The following USP32 variants were observed in gnomAD, a reference collection of about 807,000 sequenced individuals.
USP32 encodes the protein ubiquitin specific peptidase 32, also known as ubiquitin carboxyl-terminal hydrolase 32.
In USP32, 59 loss-of-function variants were observed where a neutral mutation model predicts 204.8. The observed-to-expected ratio is 0.29, with a 90% CI of 0.23 to 0.36. The LOEUF (loss-of-function observed/expected upper bound fraction) is 0.36. Ranked by LOEUF, USP32 falls within the 10% of genes least tolerant of loss-of-function variation. USP32 has a pLI of 1.00. For synonymous variants in USP32, 517 were observed against 678.4 expected (o/e 0.76, Z 3.70); for missense variants, 1,160 against 1,946.4 (o/e 0.60, Z 7.60).
chr17:60,285,371 C>G (rs561814526), intron 5 of USP32, among the ~76,000 whole-genome samples: 1 of 152,280 alleles, frequency 6.6e-6, no homozygotes, highest in African/African-American at 2.4e-5. Context: ...CCAGAACTTA[C>G]CAGTCAGAAC....
chr17:60,233,922 G>A (rs1201828088), intron 12 of USP32, among the ~76,000 whole-genome samples: 1 of 151,748 alleles, frequency 6.6e-6, no homozygotes, highest in African/African-American at 2.4e-5. Flanking sequence ...CTCCTCCCAG[G>A]TTTATTGTAA....
At chr17:60,333,325 C>G (rs1276080035) in intron 2 of USP32, among the ~76,000 whole-genome samples, 2 of 152,160 alleles carry the variant, frequency 1.3e-5, no homozygotes, top group Non-Finnish European at 2.9e-5. Flanking sequence ...AAAGGCAGGG[C>G]ATGATGGCTC....
chr17:60,373,384 C>T (rs371922158), intron 1 of USP32, among the ~76,000 whole-genome samples: 6 of 151,330 alleles, frequency 4.0e-5, no homozygotes, highest in East Asian at 3.9e-4. Context: ...CTGTGCAATT[C>T]GGTTACACCA....
chr17:60,335,297 G>C (rs2088489942), intron 2 of USP32, among the ~76,000 whole-genome samples: 1 of 142,382 alleles, frequency 7.0e-6, no homozygotes, highest in Admixed American at 6.8e-5. Flanking sequence ...CTGAGTCCCT[G>C]CAAATATTAA....
At chr17:60,409,398 CTA>C (rs1423631409) in intron 1 of USP32, among the ~76,000 whole-genome samples, 3 of 152,152 alleles carry the variant, frequency 2.0e-5, no homozygotes, top group Non-Finnish European at 2.9e-5. Flanking sequence ...GTATTGGCCT[CTA>C]TGCACGTCGG....
chr17:60,189,596 T>C (rs1340138894), intron 29 of USP32, among the ~76,000 whole-genome samples: 2 of 152,174 alleles, frequency 1.3e-5, no homozygotes, highest in Non-Finnish European at 2.9e-5. Context: ...CATTTTTAGG[T>C]ATGGAGTTAA....
chr17:60,255,251 T>C lies in USP32; in HGVS notation c.998A>G (p.His333Arg), dbSNP rs942457055. The change falls in exon 10 of 34, where the codon CAT becomes CGT. Residue 333 changes from histidine to arginine, a missense_variant. Around this residue, in one of 8 missense-constraint regions of USP32, gnomAD observed 536 missense variants for 680.9 expected, o/e 0.79. Coordinates refer to ENST00000300896, the MANE Select transcript of USP32 (RefSeq NM_032582.4). ...LNAHDTTKMG[H>R]LTLEDYQIWS... ...GATCTGATAGTCTTCCAGAGTAAGA[T>C]GACCCATCTGAAACAGAGACACTCA... is the stretch of plus-strand genomic sequence containing the variant. 1.0e-5 allele frequency: 16 copies of C among 1,606,104 alleles called. No homozygotes were observed. The highest frequency in any genetic ancestry group is 1.4e-5 in the Non-Finnish European group (16 of 1,177,698).
chr17:60,326,101 G>A (rs2088228086), intron 2 of USP32, among the ~76,000 whole-genome samples: 1 of 150,994 alleles, frequency 6.6e-6, no homozygotes, highest in African/African-American at 2.4e-5. Flanking sequence ...AGGAACTCTT[G>A]TTTTCACTAA....
intron 29 of USP32, among the ~76,000 whole-genome samples, chr17:60,186,775 G>C (rs993773766): frequency 6.6e-6 from 1 of 152,164 alleles, no homozygotes; most frequent in Non-Finnish European, 1.5e-5. Flanking sequence ...AGAAGACGGA[G>C]AGAAGGAAGG....
In USP32 at chr17:60,214,649, C is replaced by T; in HGVS notation, c.1993G>A (p.Asp665Asn). 1.9e-6 allele frequency: 3 copies of T among 1,613,768 alleles called. No individual in the cohort carries two copies. Among genetic ancestry groups the T allele is most frequent in the Non-Finnish European group, 2.5e-6 (3 of 1,179,724 alleles). Residue 665 changes from aspartate to asparagine, a missense_variant, in exon 17 of 34, where the codon GAT becomes AAT. Coordinates refer to ENST00000300896, the MANE Select transcript of USP32 (RefSeq NM_032582.4). ...CTGTTGTATAGCCACAGGCGCATAT[C>T]TTCCTCTTTAATGCGCAGCCTTTGA... ...LSQRLRIKEE[D>N]MRLWLYNSEN...
At chr17:60,314,384 C>G (rs1172902994) in intron 2 of USP32, among the ~76,000 whole-genome samples, 1 of 152,018 alleles carries the variant, frequency 6.6e-6, no homozygotes, top group Non-Finnish European at 1.5e-5. Flanking sequence ...CTCCAGTGAT[C>G]CACTTGCTTA....
intron 26 of USP32, among the ~76,000 whole-genome samples, chr17:60,204,466 C>CTTTTT (rs748141290): frequency 7.7e-6 from 1 of 129,450 alleles, no homozygotes; most frequent in African/African-American, 2.9e-5. Context: ...TTAGGAGATA[C>CTTTTT]TTTTTTTTTT....
chr17:60,295,647 G>T (rs1260507836), intron 3 of USP32, among the ~76,000 whole-genome samples: 1 of 152,058 alleles, frequency 6.6e-6, no homozygotes, highest in Non-Finnish European at 1.5e-5. Context: ...TGGCCATTTT[G>T]GTTATCAGAC....
At chr17:60,207,818 A>T (rs543791575) in intron 24 of USP32, 2 of 468,616 alleles carry the variant, frequency 4.3e-6, no homozygotes, top group Non-Finnish European at 7.2e-6. Flanking sequence ...CACTCCATAT[A>T]GGCAGCCTTA....
intron 1 of USP32, among the ~76,000 whole-genome samples, chr17:60,402,631 G>A (rs561498890): frequency 1.3e-5 from 2 of 152,188 alleles, no homozygotes; most frequent in African/African-American, 4.8e-5. Flanking sequence ...TTGCTTACAT[G>A]AGTATACCTG....
chr17:60,381,652 C>T (rs1307428754), intron 1 of USP32, among the ~76,000 whole-genome samples: 2 of 152,074 alleles, frequency 1.3e-5, no homozygotes, highest in African/African-American at 2.4e-5. Context: ...ATGATTTGGT[C>T]CCTGTCTGAA....
At chr17:60,220,049 G>GA (rs967190428) in intron 15 of USP32, among the ~76,000 whole-genome samples, 55 of 141,766 alleles carry the variant, frequency 3.9e-4, no homozygotes, top group Admixed American at 6.9e-4. Flanking sequence ...CAACACTGAG[G>GA]AAAAAAAAAA....
In USP32 at chr17:60,179,146, G is replaced by A. The variant is rs1040210463; in HGVS notation, c.*109C>T. On this transcript the variant is annotated 3_prime_UTR_variant, in exon 34 of 34. Coordinates refer to ENST00000300896, the MANE Select transcript of USP32 (RefSeq NM_032582.4). ...TTTATTTTGTGCTTCAGGGCCACAG[G>A]ATAAAATAACTACATTTAGCTTGCC... 2 of 1,266,792 alleles carry A rather than the reference G, an allele frequency of 1.6e-6. No individual in the cohort carries two copies. The highest frequency in any genetic ancestry group is 1.6e-5 in the South Asian group (1 of 63,202). The allele number at this position is 1,266,792 out of a possible 1,614,324, so 78.5% of individuals were successfully genotyped here.
Position 60,185,516 on chromosome 17 carries a change from T to C in USP32, c.3778A>G (p.Lys1260Glu), listed in dbSNP as rs149767106. 2.2e-5 allele frequency: 35 copies of C among 1,611,816 alleles called. No individual in the cohort carries two copies. In the African/African-American group the frequency reaches 4.7e-4, roughly 22 times the overall value. The part of the protein sequence containing the change: ...ENEMYYCSKC[K>E]THCLATKKLD... ...TTCTTTGTTGCTAAGCAGTGGGTCT[T>C]ACACTTGGAACAGTAGTACATCTCA... Residue 1260 changes from lysine (K) to glutamate (E), a missense_variant, in exon 30 of 34, where the codon AAG becomes GAG. Transcript: ENST00000300896.
Sources: gnomAD v4.1 joint callset for allele counts (sites outside exome capture counted in the v4.1 genomes callset) on GRCh38, gnomAD v4.1.1 for gene constraint, gnomAD v4.1.1 regional missense constraint, MANE v1.5 for transcripts, NCBI Gene and HGNC (gene_info 2026-07-23, HGNC 2026-07-21) for gene names.